The following ACYP2 variants were observed in gnomAD, a reference collection of about 807,000 sequenced individuals.
ACYP2 encodes the protein acylphosphatase-2.
In ACYP2, 12 loss-of-function variants were observed where a neutral mutation model predicts 11.2. That is an observed-to-expected ratio of 1.08 (90% CI 0.69 to 1.74). The LOEUF (loss-of-function observed/expected upper bound fraction) is 1.74, where lower values mean the gene tolerates loss of function less well. ACYP2 is among the 40% of genes most tolerant of loss of function. The pLI is 0.00. For synonymous variants in ACYP2, 43 were observed against 32.2 expected, an observed-to-expected ratio of 1.33 and a Z score of -1.13; for missense variants, 134 against 101.9, an observed-to-expected ratio of 1.31 and a Z score of -1.35.
At chr2:54,237,868 C>T (rs1380867306) in intron 6 of ACYP2, among the ~76,000 whole-genome samples, 6 of 152,100 alleles carry the variant, frequency 3.9e-5, no homozygotes, top group Admixed American at 2.0e-4. Flanking sequence ...TGGATACCTT[C>T]TATCTATCTA....
At chr2:54,130,802 G>A (rs969269094) in intron 4 of ACYP2, among the ~76,000 whole-genome samples, 9 of 151,996 alleles carry the variant, frequency 5.9e-5, no homozygotes, top group Admixed American at 6.6e-5. Context: ...CTCAAACCTC[G>A]GGCCTTTGAG....
intron 6 of ACYP2, among the ~76,000 whole-genome samples, chr2:54,181,950 C>G (rs1042719276): frequency 3.9e-5 from 6 of 151,932 alleles, no homozygotes; most frequent in African/African-American, 1.5e-4. Context: ...CTGATGGACC[C>G]TCTCTTACAA....
intron 6 of ACYP2, among the ~76,000 whole-genome samples, chr2:54,186,907 T>A (rs1013489731): frequency 6.6e-6 from 1 of 152,022 alleles, no homozygotes; most frequent in Non-Finnish European, 1.5e-5. Flanking sequence ...AGTAAAATAC[T>A]GTTCATTAAT....
At chr2:54,042,931 A>G (rs1468484849) in intron 2 of ACYP2, among the ~76,000 whole-genome samples, 1 of 152,194 alleles carries the variant, frequency 6.6e-6, no homozygotes, top group Non-Finnish European at 1.5e-5. Context: ...ACCTCCCTAT[A>G]ATTTAAATAT....
chr2:54,272,491 G>A (rs1399276736), intron 6 of ACYP2, among the ~76,000 whole-genome samples: 2 of 152,192 alleles, frequency 1.3e-5, no homozygotes, highest in African/African-American at 4.8e-5. Flanking sequence ...CCTGAAGGTA[G>A]TCTATGTTCT....
chr2:54,255,306 C>T (rs764358698), intron 6 of ACYP2: 1 of 1,614,198 alleles, frequency 6.2e-7, no homozygotes. Flanking sequence ...TGAGCTCCTT[C>T]ACTTCCAAAT....
intron 6 of ACYP2, among the ~76,000 whole-genome samples, chr2:54,270,598 T>C (rs1688251165): frequency 6.6e-6 from 1 of 152,146 alleles, no homozygotes; most frequent in African/African-American, 2.4e-5. Context: ...CAAAGCGAGA[T>C]ATGTCTCAAA....
At chr2:54,112,517 G>C in intron 4 of ACYP2, among the ~76,000 whole-genome samples, 1 of 152,158 alleles carries the variant, frequency 6.6e-6, no homozygotes, top group Non-Finnish European at 1.5e-5. Context: ...AAAAATATGT[G>C]GGAAGGAAGC....
intron 4 of ACYP2, among the ~76,000 whole-genome samples, chr2:54,071,314 A>G (rs994413328): frequency 3.3e-5 from 5 of 152,146 alleles, no homozygotes; most frequent in Admixed American, 6.5e-5. Context: ...AAGAAATGAA[A>G]CATCCAGATT....
At chr2:54,229,798 T>C (rs1686157274) in intron 6 of ACYP2, among the ~76,000 whole-genome samples, 1 of 152,192 alleles carries the variant, frequency 6.6e-6, no homozygotes, top group South Asian at 2.1e-4. Flanking sequence ...CCTAATTTAG[T>C]TTCATTTGTA....
chr2:54,297,396 G>A (rs1321751947), intron 6 of ACYP2, among the ~76,000 whole-genome samples: 1 of 152,122 alleles, frequency 6.6e-6, no homozygotes, highest in Non-Finnish European at 1.5e-5. Flanking sequence ...TACTTGAGAG[G>A]CTGAGATGGG....
At chr2:54,064,332 C>T (rs1045873456) in intron 4 of ACYP2, among the ~76,000 whole-genome samples, 9 of 152,170 alleles carry the variant, frequency 5.9e-5, no homozygotes, top group Non-Finnish European at 1.2e-4. Context: ...GTATCTGGGT[C>T]GGGAGCCAGA....
At chr2:54,237,053 C>T (rs1386633297) in intron 6 of ACYP2, among the ~76,000 whole-genome samples, 1 of 152,116 alleles carries the variant, frequency 6.6e-6, no homozygotes, top group African/African-American at 2.4e-5. Context: ...AGTATGACAA[C>T]TATTTATATA....
intron 2 of ACYP2, among the ~76,000 whole-genome samples, chr2:53,983,167 G>A (rs2104511911): frequency 6.6e-6 from 1 of 152,220 alleles, no homozygotes; most frequent in African/African-American, 2.4e-5. Context: ...AGCAACATTT[G>A]ATGAATGAAG....
chr2:54,013,851 T>C (rs1336763403), intron 2 of ACYP2, among the ~76,000 whole-genome samples: 2 of 151,832 alleles, frequency 1.3e-5, no homozygotes, highest in Non-Finnish European at 2.9e-5. Flanking sequence ...GTGGTTACAA[T>C]GGAAGGCTTA....
intron 4 of ACYP2, among the ~76,000 whole-genome samples, chr2:54,126,597 C>A (rs372968023): frequency 0.021 from 2,273 of 109,072 alleles, no homozygotes; most frequent in East Asian, 0.031. Flanking sequence ...GTCAAATTTG[C>A]AAAAAAAAAA....
chr2:54,174,805 C>CATTTAT, intron 6 of ACYP2, among the ~76,000 whole-genome samples: 1 of 152,098 alleles, frequency 6.6e-6, no homozygotes, highest in Admixed American at 6.6e-5. Context: ...GTCTTTGGTT[C>CATTTAT]TGTTTATGTG....
intron 2 of ACYP2, among the ~76,000 whole-genome samples, chr2:53,988,211 T>G (rs1380329630): frequency 1.3e-5 from 2 of 151,942 alleles, no homozygotes; most frequent in Non-Finnish European, 2.9e-5. Context: ...ATTAAAAGAA[T>G]AATAATAATA....
chr2:54,029,004 A>G (rs1426041681), intron 2 of ACYP2, among the ~76,000 whole-genome samples: 1 of 152,060 alleles, frequency 6.6e-6, no homozygotes, highest in African/African-American at 2.4e-5. Flanking sequence ...CAAAATATAT[A>G]TATTTTAAAA....
Sources: allele counts gnomAD v4.1 joint callset (sites outside exome capture counted in the v4.1 genomes callset), GRCh38; gene constraint gnomAD v4.1.1; transcripts MANE v1.5; gene names NCBI Gene and HGNC (gene_info 2026-07-23, HGNC 2026-07-21).